The following CSMD1 variants were observed in gnomAD, a reference collection of about 807,000 sequenced individuals.
CSMD1 encodes the protein CUB and sushi domain-containing protein 1.
A neutral mutation model predicts 417.5 loss-of-function variants in CSMD1; 213 were observed. That is an observed-to-expected ratio of 0.51 (90% CI 0.46 to 0.57). The LOEUF (loss-of-function observed/expected upper bound fraction) is 0.57, where lower values mean the gene tolerates loss of function less well. CSMD1 is among the 20% of genes least tolerant of loss of function. The pLI is 0.00. For missense variants in CSMD1, 6,923 were observed against 4,529.7 expected (o/e 1.53, Z -15.17); for synonymous variants, 2,862 against 1,736.8 (o/e 1.65, Z -16.11).
chr8:4,913,709 T>G (rs1805854622), intron 1 of CSMD1, among the ~76,000 whole-genome samples: 1 of 152,132 alleles, frequency 6.6e-6, no homozygotes, highest in Admixed American at 6.5e-5. Context: ...ACAATTAATC[T>G]TAGGAAGAAC....
At chr8:4,515,266 A>G (rs759610553) in intron 2 of CSMD1, among the ~76,000 whole-genome samples, 1 of 152,206 alleles carries the variant, frequency 6.6e-6, no homozygotes, top group Non-Finnish European at 1.5e-5. Flanking sequence ...TTATATGCAG[A>G]GACCACAGTC....
At chr8:3,585,198 T>C (rs935435230) in intron 9 of CSMD1, among the ~76,000 whole-genome samples, 6 of 152,204 alleles carry the variant, frequency 3.9e-5, no homozygotes, top group African/African-American at 1.4e-4. Context: ...TAGAGGACGA[T>C]AGTGACGTGT....
intron 1 of CSMD1, among the ~76,000 whole-genome samples, chr8:4,893,361 C>A (rs1169435865): frequency 1.3e-5 from 2 of 151,826 alleles, no homozygotes; most frequent in African/African-American, 4.8e-5. Flanking sequence ...ACTTTTTTAA[C>A]TTTGTTTACC....
At chr8:3,770,827 T>G (rs1004231198) in intron 5 of CSMD1, among the ~76,000 whole-genome samples, 1 of 152,136 alleles carries the variant, frequency 6.6e-6, no homozygotes, top group East Asian at 1.9e-4. Flanking sequence ...GCAGCTGACC[T>G]AAGAAAAGAT....
chr8:3,878,755 G>A (rs955212761), intron 5 of CSMD1, among the ~76,000 whole-genome samples: 29 of 152,176 alleles, frequency 1.9e-4, no homozygotes, highest in Non-Finnish European at 1.3e-4. Context: ...ACTTTATGTT[G>A]GACAGTTATG....
chr8:4,385,984 C>A (rs915649977), intron 3 of CSMD1, among the ~76,000 whole-genome samples: 1 of 150,884 alleles, frequency 6.6e-6, no homozygotes, highest in East Asian at 1.9e-4. Context: ...CCTTTAAGTT[C>A]ATTTCCTCTG....
At chr8:4,427,093 G>A (rs947166795) in intron 2 of CSMD1, among the ~76,000 whole-genome samples, 1 of 152,064 alleles carries the variant, frequency 6.6e-6, no homozygotes, top group Admixed American at 6.6e-5. Context: ...GGTGGCTGTG[G>A]CTCCTGGGAG....
intron 3 of CSMD1, among the ~76,000 whole-genome samples, chr8:4,164,524 A>C: frequency 6.6e-6 from 1 of 152,146 alleles, no homozygotes; most frequent in East Asian, 1.9e-4. Context: ...CCCCAGGCGT[A>C]AATCTAGATA....
intron 2 of CSMD1, among the ~76,000 whole-genome samples, chr8:4,486,965 G>C (rs1801446776): frequency 6.6e-6 from 1 of 152,160 alleles, no homozygotes; most frequent in East Asian, 1.9e-4. Flanking sequence ...CACAGAGAGA[G>C]ATGCACAGCT....
chr8:4,964,467 C>G lies in CSMD1; in HGVS notation c.85+29865G>C, dbSNP rs149712525. ...CCAGGAGGTCGAGGCTGCAGTGAAACGTGATCCCATCACAACACAGCAAGA... is the reference window on the plus strand; with the variant it reads ...CCAGGAGGTCGAGGCTGCAGTGAAAGGTGATCCCATCACAACACAGCAAGA... On this transcript the variant is annotated intron_variant, in intron 1 of 69. Coordinates refer to ENST00000635120, the MANE Select transcript of CSMD1 (RefSeq NM_033225.6). Among the ~76,000 whole-genome samples the G allele has an allele frequency of 3.0e-4, 35 of 116,088 alleles. No individual in the cohort carries two copies. In the East Asian group the frequency reaches 6.8e-3, roughly 23 times the overall value. The allele number at this position is 116,088 out of a possible 152,430, so 76.2% of individuals were successfully genotyped here.
intron 3 of CSMD1, among the ~76,000 whole-genome samples, chr8:4,408,486 A>C (rs985518999): frequency 3.3e-5 from 5 of 152,214 alleles, no homozygotes; most frequent in African/African-American, 1.2e-4. Flanking sequence ...TTAATAGCTT[A>C]ATTTTACTTC....
intron 7 of CSMD1, among the ~76,000 whole-genome samples, chr8:3,667,270 A>C (rs530277267): frequency 1.4e-4 from 22 of 152,260 alleles, no homozygotes; most frequent in Admixed American, 1.4e-3. Context: ...GTTTTATGAT[A>C]TGTCAGATTA....
chr8:3,275,139 C>T (rs899667869), intron 26 of CSMD1, among the ~76,000 whole-genome samples: 2 of 152,142 alleles, frequency 1.3e-5, no homozygotes, highest in African/African-American at 4.8e-5. Context: ...GACAAAATCT[C>T]TCAGCATTTG....
chr8:4,074,918 G>C (rs1018620491), intron 3 of CSMD1, among the ~76,000 whole-genome samples: 2 of 152,132 alleles, frequency 1.3e-5, no homozygotes, highest in East Asian at 3.9e-4. Flanking sequence ...CTCTGGATAA[G>C]GCACCACACT....
chr8:4,159,675 C>A (rs1714772), intron 3 of CSMD1, among the ~76,000 whole-genome samples: 5 of 152,298 alleles, frequency 3.3e-5, no homozygotes, highest in Middle Eastern at 3.4e-3. Flanking sequence ...TGCAAGCTCC[C>A]CCTCCCGGGT....
intron 50 of CSMD1, among the ~76,000 whole-genome samples, chr8:3,030,697 C>T (rs1167896206): frequency 1.3e-5 from 2 of 151,988 alleles, no homozygotes; most frequent in Non-Finnish European, 2.9e-5. Context: ...GTGGGCCAGG[C>T]TGCTCTTGAA....
At position 4,824,746 on chromosome 8, in the gene CSMD1, C is replaced by T. The variant is rs200014690; in HGVS notation, c.85+169586G>A. The stretch of plus-strand genomic sequence containing the variant: ...ATTACTTGGAATAACACTGCTGGAA[C>T]TTGTCACTCAAAGACAAAAGCTAAC... On this transcript the variant is annotated intron_variant, in intron 1 of 69. Transcript: ENST00000635120. Among the ~76,000 whole-genome samples the T allele has an allele frequency of 6.6e-5, 10 of 152,258 alleles. No homozygotes were observed. The East Asian group carries it at 1.7e-3, about 26-fold the overall frequency.
chr8:4,505,300 A>T (rs187309758), intron 2 of CSMD1, among the ~76,000 whole-genome samples: 1 of 152,210 alleles, frequency 6.6e-6, no homozygotes, highest in African/African-American at 2.4e-5. Context: ...AAAATCACCA[A>T]CGAGGTAAAA....
At chr8:4,140,944 A>C (rs892541922) in intron 3 of CSMD1, among the ~76,000 whole-genome samples, 2 of 151,218 alleles carry the variant, frequency 1.3e-5, no homozygotes, top group African/African-American at 4.9e-5. Context: ...CACCAACAAC[A>C]AAAAGTCCTC....
Sources: gnomAD v4.1 joint callset for allele counts (sites outside exome capture counted in the v4.1 genomes callset) on GRCh38, gnomAD v4.1.1 for gene constraint, MANE v1.5 for transcripts, NCBI Gene and HGNC (gene_info 2026-07-23, HGNC 2026-07-21) for gene names.